Variants in OSBPL2 observed in about 807,000 individuals in gnomAD.
OSBPL2 encodes oxysterol-binding protein-related protein 2.
Under a neutral mutation model 58.4 loss-of-function variants are expected in OSBPL2, and 18 were observed. That is an observed-to-expected ratio of 0.31 (90% CI 0.21 to 0.46). OSBPL2 has a LOEUF of 0.46. OSBPL2 is among the 20% of genes least tolerant of loss of function. The pLI is 1.00. For missense variants in OSBPL2, 461 were observed against 616.5 expected (o/e 0.75, Z 2.67); for synonymous variants, 221 against 234.1 (o/e 0.94, Z 0.51).
chr20:62,269,705 C>G lies in OSBPL2; in HGVS notation c.259-2420C>G, dbSNP rs533407305. 6.6e-6 allele frequency among the ~76,000 whole-genome samples: 1 copy of G among 152,230 alleles called. No individual in the cohort carries two copies. The highest frequency in any genetic ancestry group is 1.5e-5 in the Non-Finnish European group (1 of 68,042). ...GGAATGTAAATTGCAAATGCTCCCC[C>G]ATCTGTCTGCTTTTCTGCTCATTCT... On this transcript the variant is annotated intron_variant, in intron 4 of 13. Coordinates refer to ENST00000313733, the MANE Select transcript of OSBPL2 (RefSeq NM_144498.4). This position sits in a 1 kb window ranked among gnomAD's most constrained non-coding sequence, Gnocchi z 4.2.
intron 1 of OSBPL2, chr20:62,238,948 C>A (rs557588286): frequency 6.6e-6 from 1 of 152,142 alleles, no homozygotes; most frequent in Non-Finnish European, 1.5e-5. Flanking sequence ...CCCCAGCCCC[C>A]CTGCTGCCCC....
chr20:62,265,705 C>G (rs1453371581), intron 4 of OSBPL2, among the ~76,000 whole-genome samples: 3 of 151,986 alleles, frequency 2.0e-5, no homozygotes, highest in Non-Finnish European at 4.4e-5. Context: ...TTTTTTTTCT[C>G]TTTTCTGCAA....
At chr20:62,281,419 G>A in intron 8 of OSBPL2, 2 of 531,742 alleles carry the variant, frequency 3.8e-6, no homozygotes, top group Non-Finnish European at 6.8e-6. Flanking sequence ...GAAGAGCTGT[G>A]TCATTGCCAG....
At chr20:62,283,094 G>A (rs528272825) in intron 9 of OSBPL2, among the ~76,000 whole-genome samples, 33 of 152,248 alleles carry the variant, frequency 2.2e-4, no homozygotes, top group East Asian at 5.8e-4. Context: ...CGGGGGCGCC[G>A]AGGCCAACAC....
Position 62,272,127 on chromosome 20 carries a change from G to A in OSBPL2, c.261G>A (p.Glu87=). ...GCGAGTCTTCCCCATCTTTCCAGGAGCTGTCCAAGATCACGATGCCAATCG... is the reference window on the plus strand; with the variant it reads ...GCGAGTCTTCCCCATCTTTCCAGGAACTGTCCAAGATCACGATGCCAATCG... ...WTILKKCVGL[E]LSKITMPIAF... The change falls in exon 5 of 14, where the codon GAG becomes GAA. Residue 87 remains glutamate (E), a splice_region_variant and synonymous_variant. Coordinates refer to ENST00000313733, the MANE Select transcript of OSBPL2 (RefSeq NM_144498.4). The A allele has an allele frequency of 1.9e-6, 3 of 1,613,816 alleles. No individual in the cohort carries two copies. The highest frequency in any genetic ancestry group is 2.5e-6 in the Non-Finnish European group (3 of 1,179,944).
chr20:62,254,202 A>G (rs1364318618), intron 1 of OSBPL2, among the ~76,000 whole-genome samples: 1 of 152,176 alleles, frequency 6.6e-6, no homozygotes, highest in Non-Finnish European at 1.5e-5. Context: ...ACATCCTAAC[A>G]TTGTCACATG....
chr20:62,284,189 C>T lies in OSBPL2; in HGVS notation c.996+20C>T, dbSNP rs760628975. On this transcript the variant is annotated intron_variant, in intron 10 of 13. Coordinates refer to ENST00000313733, the MANE Select transcript of OSBPL2 (RefSeq NM_144498.4). ...AAGCTGGTAAGGGCTGGGGCGTCCCCGGGCAGAGCTGAGCCCTGGGTGCTG... is the reference window on the plus strand; with the variant it reads ...AAGCTGGTAAGGGCTGGGGCGTCCCTGGGCAGAGCTGAGCCCTGGGTGCTG... The T allele has an allele frequency of 1.6e-5, 26 of 1,613,686 alleles. No homozygotes were observed. The highest frequency in any genetic ancestry group is 3.3e-4 in the Middle Eastern group (2 of 6,080).
intron 8 of OSBPL2, chr20:62,281,386 A>T: frequency 1.8e-6 from 1 of 556,158 alleles, no homozygotes; most frequent in Non-Finnish European, 3.2e-6. Flanking sequence ...CACGGTTGTT[A>T]CTTTAAGGCT....
rs1426784212 is a variant in OSBPL2, at chr20:62,294,373, TATG to T, written c.*489_*491del. On this transcript the variant is annotated 3_prime_UTR_variant, in exon 14 of 14. Coordinates refer to ENST00000313733, the MANE Select transcript of OSBPL2 (RefSeq NM_144498.4). ...AGAGGCCAGGGATTGCCTTCTAAAT[TATG>T]ATAAAACAGAAGTGAAGAGTTTCAG... 1 of 154,884 alleles carries T rather than the reference TATG, an allele frequency of 6.5e-6. No individual in the cohort carries two copies. The highest frequency in any genetic ancestry group is 1.4e-5 in the Non-Finnish European group (1 of 69,692). The allele number at this position is 154,884 out of a possible 1,614,324, so 9.6% of individuals were successfully genotyped here.
In OSBPL2 at chr20:62,260,073, A is replaced by G; in HGVS notation, c.130A>G (p.Ile44Val). ...IDLDTSKNNR[I>V]GKTGERPSQE... The stretch of plus-strand genomic sequence containing the variant: ...CTTAGACACCAGCAAAAATAATAGG[A>G]TTGGGAAAACTGGGGAGAGGCCCTC... The change falls in exon 3 of 14, where the codon ATT becomes GTT. Residue 44 changes from isoleucine to valine, a missense_variant. By Grantham distance (29) the Ile-to-Val change is conservative. Coordinates refer to ENST00000313733, the MANE Select transcript of OSBPL2 (RefSeq NM_144498.4). The G allele has an allele frequency of 6.2e-7, 1 of 1,613,904 alleles. No homozygotes were observed.
intron 3 of OSBPL2, 48 bp from the exon 4 acceptor site, chr20:62,263,568 G>C (rs56678309): frequency 7.0e-7 from 1 of 1,419,148 alleles, no homozygotes; most frequent in Non-Finnish European, 1.0e-6. Context: ...TGAGTGGTCA[G>C]AGTCCTGTGT....
At chr20:62,253,104 G>A (rs1037569102) in intron 1 of OSBPL2, among the ~76,000 whole-genome samples, 1 of 152,254 alleles carries the variant, frequency 6.6e-6, no homozygotes, top group African/African-American at 2.4e-5. Context: ...TCTCTCCCCG[G>A]GAGGCACCCA....
intron 10 of OSBPL2, 86 bp downstream of exon 10, chr20:62,284,255 G>T: frequency 6.5e-7 from 1 of 1,550,334 alleles, no homozygotes; most frequent in Admixed American, 1.7e-5. Flanking sequence ...CACCTGTTGG[G>T]GTCCCAGGGA....
intron 13 of OSBPL2, among the ~76,000 whole-genome samples, chr20:62,292,149 T>C (rs1306360360): frequency 6.6e-6 from 1 of 152,264 alleles, no homozygotes; most frequent in African/African-American, 2.4e-5. Context: ...TCATGGTGTG[T>C]TGGCCCAAAG....
At chr20:62,241,146 C>A (rs1474186768) in intron 1 of OSBPL2, among the ~76,000 whole-genome samples, 1 of 152,128 alleles carries the variant, frequency 6.6e-6, no homozygotes, top group Non-Finnish European at 1.5e-5. Context: ...TCTGTGCCGT[C>A]CAGGAGATGC....
intron 6 of OSBPL2, among the ~76,000 whole-genome samples, chr20:62,276,648 C>T (rs781038283): frequency 1.3e-5 from 2 of 152,114 alleles, no homozygotes; most frequent in African/African-American, 4.8e-5. Context: ...CAGAGTGTGG[C>T]GTGGTGACAG....
chr20:62,284,205 C>T, intron 10 of OSBPL2, 36 bp downstream of exon 10: 1 of 1,613,734 alleles, frequency 6.2e-7, no homozygotes, highest in South Asian at 1.1e-5. Context: ...GAGCTGAGCC[C>T]TGGGTGCTGA....
intron 4 of OSBPL2, among the ~76,000 whole-genome samples, chr20:62,271,472 G>A (rs1173662853): frequency 6.6e-6 from 1 of 151,932 alleles, no homozygotes; most frequent in East Asian, 1.9e-4. Flanking sequence ...TTGTTTTTGA[G>A]ACGGAGTCTG....
At chr20:62,277,464 C>T (rs755867443) in intron 6 of OSBPL2, among the ~76,000 whole-genome samples, 1 of 152,206 alleles carries the variant, frequency 6.6e-6, no homozygotes, top group Admixed American at 6.5e-5. Context: ...CGAGACACGT[C>T]GTCTGTCATG....
Sources: gnomAD v4.1 joint callset for allele counts (sites outside exome capture counted in the v4.1 genomes callset) on GRCh38, gnomAD v4.1.1 for gene constraint, Gnocchi (gnomAD v3.1) non-coding constraint, MANE v1.5 for transcripts, NCBI Gene and HGNC (gene_info 2026-07-23, HGNC 2026-07-21) for gene names.